Variants in PPP1R21 observed in about 807,000 individuals in gnomAD.
PPP1R21 encodes protein phosphatase 1 regulatory subunit 21.
Under a neutral mutation model 112.8 loss-of-function variants are expected in PPP1R21, and 85 were observed. The observed-to-expected ratio is 0.75, with a 90% confidence interval of 0.63 to 0.90. The LOEUF (loss-of-function observed/expected upper bound fraction) is 0.90. Among genes scored for constraint, PPP1R21 ranks in the 40% least tolerant of loss-of-function variants. PPP1R21 has a pLI of 0.00. For synonymous variants in PPP1R21, 381 were observed against 322.3 expected, an observed-to-expected ratio of 1.18 and a Z score of -1.95; for missense variants, 1,199 against 901.5, an observed-to-expected ratio of 1.33 and a Z score of -4.23.
intron 21 of PPP1R21, 49 bp from the exon 22 acceptor site, chr2:48,514,666 A>ATT: frequency 1.5e-6 from 2 of 1,339,856 alleles, no homozygotes; most frequent in Non-Finnish European, 2.1e-6. Flanking sequence ...TATGTGAGTT[A>ATT]TTTTTTTTTA....
At chr2:48,447,015 T>A (rs985902690) in intron 1 of PPP1R21, among the ~76,000 whole-genome samples, 12 of 152,176 alleles carry the variant, frequency 7.9e-5, no homozygotes, top group African/African-American at 2.9e-4. Context: ...CCTCCTAAAG[T>A]GCTGTGATTA....
chr2:48,494,278 A>G (rs1324547894), intron 15 of PPP1R21, among the ~76,000 whole-genome samples: 2 of 130,512 alleles, frequency 1.5e-5, no homozygotes, highest in South Asian at 2.4e-4. Context: ...AAAAAAAAAA[A>G]GTCATGTCAA....
intron 11 of PPP1R21, among the ~76,000 whole-genome samples, chr2:48,472,908 A>G (rs1388754502): frequency 1.3e-5 from 2 of 150,582 alleles, no homozygotes; most frequent in African/African-American, 2.4e-5. Flanking sequence ...CTGTTACTGC[A>G]GCCTGGGTGA....
At chr2:48,464,882 A>C in intron 7 of PPP1R21, 55 bp from the exon 8 acceptor site, 2 of 1,380,352 alleles carry the variant, frequency 1.4e-6, no homozygotes, top group Non-Finnish European at 2.0e-6. Context: ...CATTTAAGTT[A>C]TTTTCCAGTA....
intron 7 of PPP1R21, among the ~76,000 whole-genome samples, chr2:48,464,198 T>C (rs1303029355): frequency 1.3e-5 from 2 of 152,094 alleles, no homozygotes; most frequent in Non-Finnish European, 2.9e-5. Context: ...AAGCTGGTAA[T>C]GTATAGCCCA....
chr2:48,444,935 GC>G (rs1475012247), intron 1 of PPP1R21, among the ~76,000 whole-genome samples: 1 of 148,314 alleles, frequency 6.7e-6, no homozygotes, highest in East Asian at 2.0e-4. Flanking sequence ...AGTTTACTTT[GC>G]AATTGATGCT....
At chr2:48,481,873 G>A (rs1455656519) in intron 13 of PPP1R21, among the ~76,000 whole-genome samples, 1 of 150,976 alleles carries the variant, frequency 6.6e-6, no homozygotes, top group African/African-American at 2.5e-5. Context: ...TTGCCCTCAC[G>A]TGACATGATA....
intron 16 of PPP1R21, among the ~76,000 whole-genome samples, chr2:48,496,259 A>G (rs1199101965): frequency 2.6e-5 from 4 of 152,090 alleles, no homozygotes; most frequent in Admixed American, 2.6e-4. Context: ...GGTGGCTGGT[A>G]ACTCCCATAG....
intron 20 of PPP1R21, 100 bp from the exon 21 acceptor site, chr2:48,511,240 A>G: frequency 2.5e-6 from 3 of 1,178,126 alleles, no homozygotes; most frequent in Non-Finnish European, 3.6e-6. Context: ...TTGGGAAACT[A>G]TAATTTCCCT....
chr2:48,495,901 A>G, intron 16 of PPP1R21, 130 bp downstream of exon 16: 1 of 587,258 alleles, frequency 1.7e-6, no homozygotes, highest in South Asian at 2.2e-5. Context: ...ATTGTTTAAT[A>G]CATACTAAAA....
At chr2:48,487,795 G>A (rs1262944088) in intron 14 of PPP1R21, among the ~76,000 whole-genome samples, 3 of 151,756 alleles carry the variant, frequency 2.0e-5, no homozygotes. Context: ...TTTGATCATG[G>A]ATATTCCTGT....
chr2:48,500,840 C>T (rs1325650089), intron 17 of PPP1R21, among the ~76,000 whole-genome samples: 2 of 151,924 alleles, frequency 1.3e-5, no homozygotes, highest in Non-Finnish European at 2.9e-5. Flanking sequence ...ACCTGGGAGG[C>T]GGAGGTCGCA....
intron 1 of PPP1R21, among the ~76,000 whole-genome samples, chr2:48,441,721 C>T (rs973962116): frequency 2.6e-5 from 4 of 152,168 alleles, no homozygotes; most frequent in African/African-American, 7.2e-5. Flanking sequence ...TGATATAACC[C>T]TTTCCTTGGA....
At chr2:48,456,098 G>A (rs920347553) in intron 3 of PPP1R21, among the ~76,000 whole-genome samples, 1 of 151,292 alleles carries the variant, frequency 6.6e-6, no homozygotes, top group Non-Finnish European at 1.5e-5. Context: ...TAATTTCTTA[G>A]CATTTATTCT....
At chr2:48,469,535 T>TATATATATATAGAGAG (rs1553339307) in intron 9 of PPP1R21, among the ~76,000 whole-genome samples, 3 of 73,234 alleles carry the variant, frequency 4.1e-5, no homozygotes, top group African/African-American at 1.1e-4. Flanking sequence ...TATATATATA[T>TATATATATATAGAGAG]AGAGCATATA....
chr2:48,488,282 T>G (rs1304166403), intron 14 of PPP1R21, among the ~76,000 whole-genome samples: 2 of 152,164 alleles, frequency 1.3e-5, no homozygotes, highest in Non-Finnish European at 2.9e-5. Flanking sequence ...GCCAGATGCT[T>G]TTGGAGGATA....
Position 48,515,110 on chromosome 2 carries a change from A to G in PPP1R21, c.*366A>G. On this transcript the variant is annotated 3_prime_UTR_variant, in exon 22 of 22. Coordinates refer to ENST00000294952, the MANE Select transcript of PPP1R21 (RefSeq NM_001135629.3). ...TGGTAATCGATTTGGTATCTATGGA[A>G]TAGATATATGTTTCTGGAAAAAAAT... 5.1e-6 allele frequency: 1 copy of G among 197,140 alleles called. No homozygotes were observed. Among genetic ancestry groups the G allele is most frequent in the African/African-American group, 2.3e-5 (1 of 43,090 alleles). 12.2% of individuals were successfully genotyped at this position (197,140 alleles called of 1,614,324 possible).
In PPP1R21 at chr2:48,440,815, G is replaced by T; in HGVS notation, c.-139G>T. ...AACCCGGAAGTGGAGGAGGAGGCGC[G>T]GCGGCGGCGGCGGCGGCGGCTGCGG... On this transcript the variant is annotated 5_prime_UTR_variant, in exon 1 of 22. Coordinates refer to ENST00000294952, the MANE Select transcript of PPP1R21 (RefSeq NM_001135629.3). 2.4e-6 allele frequency: 1 copy of T among 424,036 alleles called. No individual in the cohort carries two copies. The allele number at this position is 424,036 out of a possible 1,614,324, so 26.3% of individuals were successfully genotyped here. A position where few individuals can be genotyped will look rare whatever the true frequency, so the allele number is the denominator to read the frequency against.
chr2:48,486,678 C>A lies in PPP1R21; in HGVS notation c.1366C>A (p.Pro456Thr), dbSNP rs753614221. ...AAAAGCTGCAATAGAGCATGAACTT[C>A]CAACAGCAACACAGAAGCTGATAAC... ...SQKAAIEHEL[P>T]TATQKLITTN... The change falls in exon 14 of 22, where the codon CCA (proline) becomes ACA (threonine). Residue 456 changes from proline (P) to threonine (T), a missense_variant. Coordinates refer to ENST00000294952, the MANE Select transcript of PPP1R21 (RefSeq NM_001135629.3). The A allele has an allele frequency of 2.5e-6, 4 of 1,613,530 alleles. No homozygotes were observed. The highest frequency in any genetic ancestry group is 3.4e-6 in the Non-Finnish European group (4 of 1,179,628).
Sources: gnomAD v4.1 joint callset for allele counts (sites outside exome capture counted in the v4.1 genomes callset) on GRCh38, gnomAD v4.1.1 for gene constraint, MANE v1.5 for transcripts, NCBI Gene and HGNC (gene_info 2026-07-23, HGNC 2026-07-21) for gene names.